Variants in TNNI3K observed in about 807,000 individuals in gnomAD.
TNNI3K encodes serine/threonine-protein kinase TNNI3K.
A neutral mutation model predicts 114.5 loss-of-function variants in TNNI3K; 140 were observed. The observed-to-expected ratio is 1.22, with a 90% CI of 1.07 to 1.41. The LOEUF (loss-of-function observed/expected upper bound fraction) is 1.41, where lower values mean the gene tolerates loss of function less well. Ranked by LOEUF, TNNI3K falls within the 40% of genes most tolerant of loss-of-function variation. The probability of loss-of-function intolerance (pLI) is 0.00; values close to 1 mark genes in which losing one functional copy is unlikely to be tolerated. For synonymous variants in TNNI3K, 347 were observed against 347.5 expected (o/e 1.00, Z 0.02); for missense variants, 1,125 against 1,007.6 (o/e 1.12, Z -1.58).
At position 74,480,067 on chromosome 1, in the gene TNNI3K, G is replaced by A. The variant is rs188334457; in HGVS notation, c.2122-9122G>A. 1.3e-4 allele frequency: 81 copies of A among 624,312 alleles called. No individual in the cohort carries two copies. The African/African-American group carries it at 1.3e-3, about 10-fold the overall frequency. 38.7% of individuals were successfully genotyped at this position (624,312 alleles called of 1,614,324 possible). A position where few individuals can be genotyped will look rare whatever the true frequency, so the allele number is the denominator to read the frequency against. ...TCCTTTCCATAGCCCTGGCAACCAAGTGTCTGAGATAAGCATCACTTAGCA... is the reference window on the plus strand; with the variant it reads ...TCCTTTCCATAGCCCTGGCAACCAAATGTCTGAGATAAGCATCACTTAGCA... On this transcript the variant is annotated intron_variant, in intron 21 of 24. Coordinates refer to ENST00000326637, the MANE Select transcript of TNNI3K (RefSeq NM_015978.3).
chr1:74,335,602 C>T (rs1660423235), intron 6 of TNNI3K, among the ~76,000 whole-genome samples: 1 of 152,112 alleles, frequency 6.6e-6, no homozygotes, highest in East Asian at 1.9e-4. Flanking sequence ...TAGAAAGTTG[C>T]AAATGACCTA....
At chr1:74,400,726 C>T (rs1664316595) in intron 17 of TNNI3K, among the ~76,000 whole-genome samples, 1 of 152,212 alleles carries the variant, frequency 6.6e-6, no homozygotes. Flanking sequence ...AGAGAACTCT[C>T]AACTTATACC....
In TNNI3K at chr1:74,534,619, G is replaced by A. The variant is rs184560281; in HGVS notation, c.2352-5615G>A. ...CCAGTCTCTTCAGACATTATTTTTC[G>A]TATTTCTTCTTGGGACTTGCTTAAC... On this transcript the variant is annotated intron_variant, in intron 23 of 24. Transcript: ENST00000326637. Among the ~76,000 whole-genome samples the A allele has an allele frequency of 2.6e-4, 40 of 152,174 alleles. No homozygotes were observed. The East Asian group carries it at 4.1e-3, about 15-fold the overall frequency.
intron 5 of TNNI3K, among the ~76,000 whole-genome samples, chr1:74,308,936 C>T (rs1191690279): frequency 6.6e-6 from 1 of 152,054 alleles, no homozygotes; most frequent in Non-Finnish European, 1.5e-5. Flanking sequence ...CACACCACCT[C>T]CTAAGACTGA....
chr1:74,266,621 T>C (rs1294404099), intron 4 of TNNI3K, among the ~76,000 whole-genome samples: 4 of 152,054 alleles, frequency 2.6e-5, no homozygotes, highest in African/African-American at 9.7e-5. Context: ...TTCTTTTCTA[T>C]ACTGAAATAG....
intron 5 of TNNI3K, among the ~76,000 whole-genome samples, chr1:74,287,042 G>A (rs1310364276): frequency 6.6e-6 from 1 of 151,536 alleles, no homozygotes; most frequent in African/African-American, 2.4e-5. Context: ...AAGCTAAAGA[G>A]CACAATGATT....
chr1:74,456,631 T>C (rs1667237448), intron 20 of TNNI3K, among the ~76,000 whole-genome samples: 1 of 152,200 alleles, frequency 6.6e-6, no homozygotes, highest in South Asian at 2.1e-4. Flanking sequence ...AATTATAGTC[T>C]GGGCCCAAAG....
At chr1:74,355,168 G>A (rs1040972680) in intron 11 of TNNI3K, among the ~76,000 whole-genome samples, 3 of 152,064 alleles carry the variant, frequency 2.0e-5, no homozygotes, top group African/African-American at 7.2e-5. Context: ...TGACTGCATT[G>A]TCTTTTTACA....
intron 20 of TNNI3K, among the ~76,000 whole-genome samples, chr1:74,442,491 A>G (rs2100675728): frequency 6.6e-6 from 1 of 152,160 alleles, no homozygotes; most frequent in East Asian, 1.9e-4. Flanking sequence ...CTATATTCCT[A>G]TAAAAAGCTT....
chr1:74,473,152 A>G (rs75510629), intron 21 of TNNI3K, among the ~76,000 whole-genome samples: 1 of 152,292 alleles, frequency 6.6e-6, no homozygotes, highest in East Asian at 1.9e-4. Context: ...AGAGCTAGGC[A>G]TTGTGCTCAT....
intron 17 of TNNI3K, among the ~76,000 whole-genome samples, chr1:74,386,317 T>C (rs1025665960): frequency 4.0e-5 from 6 of 151,758 alleles, no homozygotes; most frequent in African/African-American, 1.5e-4. Flanking sequence ...AACTGGCAGA[T>C]ATAACATCTG....
At chr1:74,357,823 C>T (rs1329621740) in intron 11 of TNNI3K, among the ~76,000 whole-genome samples, 3 of 152,008 alleles carry the variant, frequency 2.0e-5, no homozygotes, top group Non-Finnish European at 2.9e-5. Flanking sequence ...GTGTAGCGAT[C>T]GCTGTCTCAC....
chr1:74,480,545 T>C, intron 21 of TNNI3K: 2 of 717,426 alleles, frequency 2.8e-6, no homozygotes. Flanking sequence ...TTTCCCAATG[T>C]AGGAAATAAA....
intron 23 of TNNI3K, among the ~76,000 whole-genome samples, chr1:74,497,434 A>G (rs1411023268): frequency 6.6e-6 from 1 of 151,810 alleles, no homozygotes; most frequent in Non-Finnish European, 1.5e-5. Context: ...CTTCTTGTCA[A>G]CTCACCACAA....
chr1:74,430,848 T>C (rs184152886), intron 17 of TNNI3K, among the ~76,000 whole-genome samples: 1 of 152,206 alleles, frequency 6.6e-6, no homozygotes, highest in East Asian at 1.9e-4. Flanking sequence ...GCAGAAATAG[T>C]TTTGGAGAAA....
At chr1:74,299,595 A>G (rs1169774657) in intron 5 of TNNI3K, among the ~76,000 whole-genome samples, 1 of 152,140 alleles carries the variant, frequency 6.6e-6, no homozygotes, top group East Asian at 1.9e-4. Context: ...TATTATCATA[A>G]CTGCAAAGAT....
intron 7 of TNNI3K, among the ~76,000 whole-genome samples, chr1:74,337,994 G>A (rs181859869): frequency 1.3e-5 from 2 of 151,870 alleles, no homozygotes; most frequent in Non-Finnish European, 2.9e-5. Context: ...GAATACAATT[G>A]CCAGTAACAT....
At chr1:74,495,967 G>A (rs1007598927) in intron 23 of TNNI3K, among the ~76,000 whole-genome samples, 1 of 152,122 alleles carries the variant, frequency 6.6e-6, no homozygotes, top group Non-Finnish European at 1.5e-5. Context: ...AAAATTGATG[G>A]ACTAAGTACA....
At chr1:74,537,979 G>A (rs775405732) in intron 23 of TNNI3K, among the ~76,000 whole-genome samples, 3 of 152,094 alleles carry the variant, frequency 2.0e-5, no homozygotes, top group South Asian at 2.1e-4. Flanking sequence ...TATCACTGAG[G>A]TATGGAATAG....
Sources: gnomAD v4.1 joint callset for allele counts (sites outside exome capture counted in the v4.1 genomes callset) on GRCh38, gnomAD v4.1.1 for gene constraint, MANE v1.5 for transcripts, NCBI Gene and HGNC (gene_info 2026-07-23, HGNC 2026-07-21) for gene names.